The following SATL1 variants were observed in gnomAD, a reference collection of about 807,000 sequenced individuals.
The protein encoded by SATL1 is spermidine/spermine N1-acetyl transferase like 1.
A neutral mutation model predicts 51.8 loss-of-function variants in SATL1; 47 were observed. That is an observed-to-expected ratio of 0.91 (90% CI 0.72 to 1.16). The LOEUF (loss-of-function observed/expected upper bound fraction) is 1.16, where lower values mean the gene tolerates loss of function less well. SATL1 is among the 50% of genes most tolerant of loss of function. The pLI, the probability that SATL1 is intolerant of heterozygous loss-of-function variation, is 0.00. For synonymous variants in SATL1, 176 were observed against 182.4 expected (o/e 0.97, Z 0.28); for missense variants, 520 against 526.4 (o/e 0.99, Z 0.12).
chrX:85,235,074 C>A, intron 1 of SATL1, among the ~76,000 whole-genome samples: 1 of 110,996 alleles, frequency 9.0e-6, no homozygotes, highest in Non-Finnish European at 1.9e-5. Flanking sequence ...AGTAAGTATA[C>A]TTATTTGAGA....
intron 2 of SATL1, among the ~76,000 whole-genome samples, chrX:85,153,073 T>G (rs891767940): frequency 7.2e-5 from 8 of 110,975 alleles, no homozygotes; most frequent in African/African-American, 2.6e-4. Flanking sequence ...AGAACCACAT[T>G]CATATTATTT....
At chrX:85,207,928 G>C (rs890876434) in intron 2 of SATL1, 1 of 111,683 alleles carries the variant, frequency 9.0e-6, no homozygotes, top group African/African-American at 3.3e-5. Context: ...TATACTTTAA[G>C]TTCTAGGGTA....
intron 2 of SATL1, among the ~76,000 whole-genome samples, chrX:85,172,883 A>G (rs1193845096): frequency 9.0e-6 from 1 of 111,213 alleles, no homozygotes; most frequent in Non-Finnish European, 1.9e-5. Context: ...CCTCTATAAG[A>G]TGGGCATCTA....
chrX:85,107,437 CTGCCTGGTTGACTCA>C lies in SATL1; in HGVS notation c.1517_1531del (p.Leu506_Gly510del). 8.2e-7 allele frequency: 1 copy of C among 1,212,163 alleles called. No individual in the cohort carries two copies. Among genetic ancestry groups the C allele is most frequent in the Non-Finnish European group, 1.1e-6 (1 of 895,316 alleles). ...CATTTGGCTCACACTTGGTTGGCTC[CTGCCTGGTTGACTCA>C]GGCCTGGTTGGCTCAGCACTAATTG... On this transcript the variant is annotated inframe_deletion, in exon 3 of 8. Coordinates refer to ENST00000644105, the MANE Select transcript of SATL1 (RefSeq NM_001367857.2).
chrX:85,125,076 G>A (rs1191393659), intron 2 of SATL1, among the ~76,000 whole-genome samples: 6 of 110,305 alleles, frequency 5.4e-5, no homozygotes, highest in African/African-American at 2.0e-4. Flanking sequence ...GCTGTTTCAG[G>A]CAGTTCTTCC....
chrX:85,175,845 A>G (rs911957066), intron 2 of SATL1, among the ~76,000 whole-genome samples: 3 of 110,609 alleles, frequency 2.7e-5, no homozygotes, highest in African/African-American at 6.6e-5. Flanking sequence ...AAATACTTCA[A>G]TCTTACTCTC....
intron 1 of SATL1, among the ~76,000 whole-genome samples, chrX:85,240,077 T>C (rs1928556857): frequency 9.0e-6 from 1 of 111,625 alleles, no homozygotes; most frequent in Non-Finnish European, 1.9e-5. Context: ...GATAAAGGAC[T>C]AGTATCCAGA....
chrX:85,132,786 G>T (rs1178599687), intron 2 of SATL1, among the ~76,000 whole-genome samples: 1 of 111,970 alleles, frequency 8.9e-6, no homozygotes, highest in African/African-American at 3.2e-5. Flanking sequence ...CATCTTTGTG[G>T]TTTTATCTAT....
At chrX:85,109,734 C>G (rs1239320913) in intron 2 of SATL1, among the ~76,000 whole-genome samples, 4 of 111,933 alleles carry the variant, frequency 3.6e-5, no homozygotes, top group African/African-American at 1.3e-4. Flanking sequence ...CTGCGCTGGA[C>G]GTGGTGACTC....
rs190116123 is a variant in SATL1, at chrX:85,130,712, G to A, written c.-312-21432C>T. 7.5e-3 allele frequency among the ~76,000 whole-genome samples: 833 copies of A among 110,617 alleles called. 5 individuals carry two copies. Among genetic ancestry groups the A allele is most frequent in the African/African-American group, 0.018 (558 of 30,446 alleles). The stretch of plus-strand genomic sequence containing the variant: ...AGCTTTTGAATTTGTTTGCTCTTGC[G>A]TCTCTAGTTCTTTTAATTGTAATGT... On this transcript the variant is annotated intron_variant, in intron 2 of 7. Transcript: ENST00000644105.
At position 85,094,242 on chromosome X, in the gene SATL1, AAGAAAGGGTGT is replaced by A. The variant is rs1924623501; in HGVS notation, c.1775-24_1775-14del. On this transcript the variant is annotated splice_polypyrimidine_tract_variant and intron_variant, in intron 5 of 7. Transcript: ENST00000644105. ...ACAGTCAGTTTGCCTAGGAAGGGAG[AAGAAAGGGTGT>A]AGAAAGGTTGGTTGAATCTTAGCCA... The A allele has an allele frequency of 1.0e-6, 1 of 997,206 alleles. No individual in the cohort carries two copies. The highest frequency in any genetic ancestry group is 1.4e-6 in the Non-Finnish European group (1 of 702,067). The allele number at this position is 997,206 out of a possible 1,213,427, so 82.2% of individuals were successfully genotyped here. A position where few individuals can be genotyped will look rare whatever the true frequency, so the allele number is the denominator to read the frequency against.
At chrX:85,101,109 A>G (rs1270422053) in intron 4 of SATL1, among the ~76,000 whole-genome samples, 5 of 112,516 alleles carry the variant, frequency 4.4e-5, no homozygotes, top group Non-Finnish European at 5.6e-5. Context: ...TAGAAGAAAC[A>G]TGGGAAATCT....
chrX:85,163,457 T>C (rs1350882809), intron 2 of SATL1, among the ~76,000 whole-genome samples: 1 of 111,131 alleles, frequency 9.0e-6, no homozygotes, highest in African/African-American at 3.3e-5. Context: ...TTTTGATAGG[T>C]TGTGTCATTA....
chrX:85,097,222 G>T (rs1303920707), intron 4 of SATL1, among the ~76,000 whole-genome samples: 2 of 111,986 alleles, frequency 1.8e-5, no homozygotes, highest in Admixed American at 1.9e-4. Context: ...ACTTGAGTAG[G>T]CATGGATTTG....
chrX:85,185,336 C>A (rs1158520748), intron 2 of SATL1, among the ~76,000 whole-genome samples: 1 of 112,539 alleles, frequency 8.9e-6, no homozygotes, highest in Non-Finnish European at 1.9e-5. Context: ...CTGGCAAGTG[C>A]GTATTTTCAC....
In SATL1 at chrX:85,108,806, T is replaced by G. The variant is rs768608947; in HGVS notation, c.163A>C (p.Ser55Arg). Residue 55 changes from serine (S) to arginine (R), a missense_variant, in exon 3 of 8, where the codon AGC becomes CGC. This residue lies in a region of SATL1 where 10 missense variants were observed against 28.3 expected (regional missense o/e 0.35). Transcript: ENST00000644105. ...NQVDMKQPSM[S>R]QAGMRQSGTN... is the part of the protein sequence containing the mutation. The stretch of plus-strand genomic sequence containing the variant: ...CCTGATTGCCTCATGCCAGCTTGGC[T>G]CATGCTTGGTTGTTTCATGTCCACT... 8 of 1,210,154 alleles carry G rather than the reference T, an allele frequency of 6.6e-6. No individual in the cohort carries two copies. The highest frequency in any genetic ancestry group is 5.2e-5 in the African/African-American group (3 of 57,263).
chrX:85,181,444 G>A (rs1048057313), intron 2 of SATL1, among the ~76,000 whole-genome samples: 2 of 109,752 alleles, frequency 1.8e-5, no homozygotes, highest in African/African-American at 6.6e-5. Flanking sequence ...AGAGGAACTG[G>A]GGATTCAGTA....
chrX:85,165,458 C>CT (rs1301704792), intron 2 of SATL1, among the ~76,000 whole-genome samples: 228 of 103,544 alleles, frequency 2.2e-3, no homozygotes, highest in African/African-American at 6.4e-3. Flanking sequence ...CTGTATTTTT[C>CT]TTTTTTTTTT....
intron 2 of SATL1, among the ~76,000 whole-genome samples, chrX:85,145,750 G>A (rs1926219816): frequency 9.0e-6 from 1 of 111,177 alleles, no homozygotes; most frequent in Admixed American, 9.5e-5. Flanking sequence ...TGTCAGCTAT[G>A]ACAGTATGCC....
Sources: gnomAD v4.1 joint callset for allele counts (sites outside exome capture counted in the v4.1 genomes callset) on GRCh38, gnomAD v4.1.1 for gene constraint, gnomAD v4.1.1 regional missense constraint, MANE v1.5 for transcripts, NCBI Gene and HGNC (gene_info 2026-07-23, HGNC 2026-07-21) for gene names.